Variants in SERGEF observed in about 807,000 individuals in gnomAD.
SERGEF encodes secretion-regulating guanine nucleotide exchange factor.
A neutral mutation model predicts 50.0 loss-of-function variants in SERGEF; 51 were observed. The ratio of observed to expected loss-of-function variants is 1.02; its 90% CI spans 0.81 to 1.29. The LOEUF (loss-of-function observed/expected upper bound fraction) is 1.29, where lower values mean the gene tolerates loss of function less well. SERGEF is among the 50% of genes most tolerant of loss of function. SERGEF has a pLI of 0.00. For missense variants in SERGEF, 521 were observed against 557.0 expected (o/e 0.94, Z 0.65); for synonymous variants, 205 against 212.4 (o/e 0.97, Z 0.30).
At chr11:17,937,515 T>G (rs1402520218) in intron 9 of SERGEF, among the ~76,000 whole-genome samples, 2 of 152,010 alleles carry the variant, frequency 1.3e-5, no homozygotes, top group African/African-American at 4.8e-5. Context: ...CCAGTCTGGG[T>G]GACAGAGAAA....
chr11:17,865,630 A>G (rs1224427948), intron 10 of SERGEF, among the ~76,000 whole-genome samples: 3 of 152,106 alleles, frequency 2.0e-5, no homozygotes, highest in Non-Finnish European at 4.4e-5. Flanking sequence ...CAAAATAATA[A>G]TAATAATAAT....
intron 10 of SERGEF, among the ~76,000 whole-genome samples, chr11:17,801,639 A>G (rs1849671688): frequency 6.6e-6 from 1 of 152,194 alleles, no homozygotes; most frequent in Non-Finnish European, 1.5e-5. Context: ...GAAAATCAAG[A>G]GTTCTGTTTT....
intron 10 of SERGEF, among the ~76,000 whole-genome samples, chr11:17,840,465 CAGA>C (rs1337884416): frequency 6.6e-6 from 1 of 152,182 alleles, no homozygotes; most frequent in Non-Finnish European, 1.5e-5. Flanking sequence ...TGCTGTTCTA[CAGA>C]AGGACACGAA....
At chr11:17,979,787 C>T (rs145701774) in intron 8 of SERGEF, among the ~76,000 whole-genome samples, 1 of 152,278 alleles carries the variant, frequency 6.6e-6, no homozygotes, top group African/African-American at 2.4e-5. Flanking sequence ...TCTATCATCG[C>T]ACATCTGCAG....
At chr11:17,853,353 C>T (rs1024945403) in intron 10 of SERGEF, among the ~76,000 whole-genome samples, 2 of 152,120 alleles carry the variant, frequency 1.3e-5, no homozygotes, top group Non-Finnish European at 2.9e-5. Context: ...TTCTCCTTCC[C>T]CTTGCTCCTG....
At chr11:17,846,552 G>A (rs1177158397) in intron 10 of SERGEF, 5 of 376,444 alleles carry the variant, frequency 1.3e-5, no homozygotes, top group Middle Eastern at 3.7e-4. Context: ...TGAACAAAAC[G>A]GGGCAGAGGC....
At chr11:17,887,605 C>T (rs1169386815) in intron 9 of SERGEF, among the ~76,000 whole-genome samples, 2 of 152,206 alleles carry the variant, frequency 1.3e-5, no homozygotes, top group Non-Finnish European at 2.9e-5. Flanking sequence ...GGAACTCTTA[C>T]ACTGCTGACG....
intron 4 of SERGEF, among the ~76,000 whole-genome samples, chr11:18,002,387 G>A (rs1853980911): frequency 6.6e-6 from 1 of 151,968 alleles, no homozygotes; most frequent in Non-Finnish European, 1.5e-5. Flanking sequence ...CACCCTGATT[G>A]CCCCATTCCC....
intron 9 of SERGEF, 88 bp from the exon 10 acceptor site, chr11:17,878,332 A>G: frequency 9.0e-7 from 1 of 1,107,618 alleles, no homozygotes; most frequent in Non-Finnish European, 1.3e-6. Context: ...TGACACTAAC[A>G]TCCATTTTTG....
chr11:17,802,781 T>C (rs1438918173), intron 10 of SERGEF, among the ~76,000 whole-genome samples: 3 of 147,206 alleles, frequency 2.0e-5, no homozygotes, highest in African/African-American at 7.4e-5. Context: ...ATCATTCAAA[T>C]GGCACTTTCT....
At chr11:17,968,373 T>C (rs1470889991) in intron 8 of SERGEF, among the ~76,000 whole-genome samples, 1 of 152,192 alleles carries the variant, frequency 6.6e-6, no homozygotes, top group East Asian at 1.9e-4. Flanking sequence ...GCACTTTCTA[T>C]ACACCAGGTG....
intron 9 of SERGEF, among the ~76,000 whole-genome samples, chr11:17,952,723 C>T (rs1478240949): frequency 6.6e-6 from 1 of 152,164 alleles, no homozygotes; most frequent in Admixed American, 6.6e-5. Flanking sequence ...TCTCATCACC[C>T]GCTCACTCAT....
At chr11:17,802,082 G>A (rs563845244) in intron 10 of SERGEF, among the ~76,000 whole-genome samples, 34 of 152,294 alleles carry the variant, frequency 2.2e-4, no homozygotes, top group African/African-American at 8.2e-4. Context: ...CTCTAACCCT[G>A]CTGAGCTGCC....
chr11:17,795,486 G>T (rs981527503), intron 10 of SERGEF, among the ~76,000 whole-genome samples: 1 of 152,160 alleles, frequency 6.6e-6, no homozygotes, highest in Non-Finnish European at 1.5e-5. Flanking sequence ...ACACAGCCTG[G>T]TCTAGGTCCT....
intron 10 of SERGEF, among the ~76,000 whole-genome samples, chr11:17,870,104 T>C (rs1326523829): frequency 6.6e-6 from 1 of 152,204 alleles, no homozygotes; most frequent in African/African-American, 2.4e-5. Context: ...CCCACTTCAT[T>C]TGGCACTTCT....
rs929058132 is a variant in SERGEF, at chr11:17,856,469, G to A, written c.1048+21739C>T. Reference sequence around the variant, plus strand: ...TATGCCTTCATGGAGACAGGCTGCAGCTGGAGCCTTTTGGCAGCCAAAAGA... The same window carrying A: ...TATGCCTTCATGGAGACAGGCTGCAACTGGAGCCTTTTGGCAGCCAAAAGA... On this transcript the variant is annotated intron_variant, in intron 10 of 10. Transcript: ENST00000265965. The A allele has an allele frequency of 2.6e-5, 4 of 152,168 alleles. No homozygotes were observed. In the South Asian group the frequency reaches 8.3e-4, roughly 32 times the overall value. 9.4% of individuals were successfully genotyped at this position (152,168 alleles called of 1,614,324 possible).
intron 9 of SERGEF, among the ~76,000 whole-genome samples, chr11:17,952,269 G>A (rs1852786952): frequency 6.6e-6 from 1 of 152,032 alleles, no homozygotes; most frequent in Non-Finnish European, 1.5e-5. Context: ...GCCCACAGTA[G>A]GATAAAGTAA....
At chr11:17,964,474 G>A (rs141407597) in intron 8 of SERGEF, among the ~76,000 whole-genome samples, 35 of 152,302 alleles carry the variant, frequency 2.3e-4, no homozygotes, top group African/African-American at 7.9e-4. Context: ...ATAGGTGATA[G>A]AAAGATAGAT....
chr11:17,927,778 T>C (rs1852278330), intron 9 of SERGEF, among the ~76,000 whole-genome samples: 2 of 152,232 alleles, frequency 1.3e-5, no homozygotes, highest in South Asian at 4.1e-4. Flanking sequence ...TAGAATCTTC[T>C]ACATTTTAAC....
Sources: gnomAD v4.1 joint callset for allele counts (sites outside exome capture counted in the v4.1 genomes callset) on GRCh38, gnomAD v4.1.1 for gene constraint, MANE v1.5 for transcripts, NCBI Gene and HGNC (gene_info 2026-07-23, HGNC 2026-07-21) for gene names.